USP37: variants seen among roughly 807,000 people sequenced by gnomAD.
The protein encoded by USP37 is ubiquitin specific peptidase 37, also known as ubiquitin carboxyl-terminal hydrolase 37.
A neutral mutation model predicts 124.0 loss-of-function variants in USP37; 27 were observed. The ratio of observed to expected loss-of-function variants is 0.22; its 90% CI spans 0.16 to 0.30. The LOEUF is 0.30. USP37 is among the 10% of genes least tolerant of loss of function. USP37 has a pLI of 1.00. For missense variants in USP37, 889 were observed against 1,140.4 expected, an observed-to-expected ratio of 0.78 and a Z score of 3.17; for synonymous variants, 365 against 388.0, an observed-to-expected ratio of 0.94 and a Z score of 0.70.
chr2:218,492,392 A>C (rs975700659), intron 14 of USP37, among the ~76,000 whole-genome samples: 4 of 152,160 alleles, frequency 2.6e-5, no homozygotes, highest in African/African-American at 9.7e-5. Flanking sequence ...GAAGACAGAG[A>C]GTTAAGAGAG....
intron 6 of USP37, 110 bp downstream of exon 6, chr2:218,549,699 G>T: frequency 2.2e-6 from 2 of 911,812 alleles, no homozygotes; most frequent in East Asian, 3.2e-5. Flanking sequence ...TCCTGACCTC[G>T]GGTGATCCAC....
chr2:218,473,301 T>C (rs1013319902), intron 20 of USP37: 8 of 152,180 alleles, frequency 5.3e-5, no homozygotes, highest in Non-Finnish European at 1.0e-4. Flanking sequence ...AAAGCACTAA[T>C]ATTAACCAGG....
At chr2:218,530,128 T>C (rs1043926958) in intron 9 of USP37, 88 bp from the exon 10 acceptor site, 3 of 931,076 alleles carry the variant, frequency 3.2e-6, no homozygotes, top group Non-Finnish European at 3.2e-6. Context: ...TTAGTCCTGA[T>C]TATATTTAAC....
intron 11 of USP37, among the ~76,000 whole-genome samples, chr2:218,507,086 T>G (rs1689723440): frequency 6.6e-6 from 1 of 151,454 alleles, no homozygotes; most frequent in Non-Finnish European, 1.5e-5. Flanking sequence ...GTGTGAGTGG[T>G]GCCTGGATTT....
At chr2:218,470,853 T>A (rs1258958880) in intron 20 of USP37, among the ~76,000 whole-genome samples, 1 of 152,170 alleles carries the variant, frequency 6.6e-6, no homozygotes, top group African/African-American at 2.4e-5. Flanking sequence ...CCAAGCACTG[T>A]TGTAGAAGTT....
rs774625964 is a variant in USP37, at chr2:218,558,634, T to C, written c.20A>G (p.His7Arg). 6 of 1,610,694 alleles carry C rather than the reference T, an allele frequency of 3.7e-6. No homozygotes were observed. Among genetic ancestry groups the C allele is most frequent in the South Asian group, 1.1e-5 (1 of 90,394 alleles). Residue 7 changes from histidine (H) to arginine (R), a missense_variant, in exon 4 of 26, where the codon CAT becomes CGT. His to Arg is a conservative substitution (Grantham distance 29). This residue lies in a region of USP37 where 374 missense variants were observed against 386.0 expected (regional missense o/e 0.97). Coordinates refer to ENST00000258399, the MANE Select transcript of USP37 (RefSeq NM_020935.3). MSPLKI[H>R]GPIRIRSMQT... ...CATACTTCGAATTCTGATAGGACCA[T>C]GTATCTTCAGAGGAGACATATTTTC...
In USP37 at chr2:218,453,229, T is replaced by G. The variant is rs1689536908; in HGVS notation, c.*1701A>C. ...AATCTTTCAGAAAAGATGTTGCATC[T>G]TCTGTGATGATGGTTTGTGTTTTTT... On this transcript the variant is annotated 3_prime_UTR_variant, in exon 26 of 26. Transcript: ENST00000258399. The G allele has an allele frequency of 1.3e-5, 2 of 152,010 alleles. No homozygotes were observed. The highest frequency in any genetic ancestry group is 1.3e-4 in the Admixed American group (2 of 15,252). The allele number at this position is 152,010 out of a possible 1,614,324, so 9.4% of individuals were successfully genotyped here.
At chr2:218,537,882 A>G (rs1691741813) in intron 8 of USP37, among the ~76,000 whole-genome samples, 1 of 152,312 alleles carries the variant, frequency 6.6e-6, no homozygotes. Flanking sequence ...TACTCTTGGC[A>G]TATTATTAAG....
At chr2:218,468,030 G>C (rs898797274) in intron 20 of USP37, among the ~76,000 whole-genome samples, 5 of 145,184 alleles carry the variant, frequency 3.4e-5, no homozygotes, top group African/African-American at 1.3e-4. Flanking sequence ...TGGGATTACA[G>C]GTGTTCACCA....
intron 14 of USP37, among the ~76,000 whole-genome samples, chr2:218,488,628 T>G (rs1691728107): frequency 6.6e-6 from 1 of 152,176 alleles, no homozygotes; most frequent in African/African-American, 2.4e-5. Flanking sequence ...AGTATTTAAG[T>G]ACTTTACTTA....
At chr2:218,508,278 T>C (rs1559195083) in intron 11 of USP37, among the ~76,000 whole-genome samples, 1 of 142,778 alleles carries the variant, frequency 7.0e-6, no homozygotes, top group Non-Finnish European at 1.5e-5. Flanking sequence ...TTTTTTTTTC[T>C]TTTTTTTTTT....
intron 10 of USP37, among the ~76,000 whole-genome samples, chr2:218,527,931 G>T (rs1476095444): frequency 6.6e-6 from 1 of 152,060 alleles, no homozygotes; most frequent in South Asian, 2.1e-4. Flanking sequence ...GGCTGGGCGC[G>T]GTCACTCACA....
chr2:218,478,798 G>T (rs577886175), intron 18 of USP37, among the ~76,000 whole-genome samples: 1 of 152,192 alleles, frequency 6.6e-6, no homozygotes, highest in East Asian at 1.9e-4. Context: ...TCTTGAGAAC[G>T]GGCAAGAGTA....
At chr2:218,460,782 A>C (rs1007990348) in intron 22 of USP37, among the ~76,000 whole-genome samples, 5 of 151,956 alleles carry the variant, frequency 3.3e-5, no homozygotes, top group African/African-American at 1.2e-4. Flanking sequence ...CTCTACTAAA[A>C]ATACAAAAAT....
intron 9 of USP37, among the ~76,000 whole-genome samples, chr2:218,531,550 T>A (rs1320197377): frequency 6.6e-6 from 1 of 152,224 alleles, no homozygotes; most frequent in Non-Finnish European, 1.5e-5. Context: ...AGCCCATGGA[T>A]CAAGGAGTCA....
chr2:218,478,360 A>C (rs1324007438), intron 18 of USP37, among the ~76,000 whole-genome samples: 1 of 152,224 alleles, frequency 6.6e-6, no homozygotes, highest in African/African-American at 2.4e-5. Flanking sequence ...GCAAACCTGA[A>C]CATATTAATT....
chr2:218,459,957 G>A (rs773092638), intron 22 of USP37, 52 bp from the exon 23 acceptor site: 21 of 1,426,936 alleles, frequency 1.5e-5, no homozygotes, highest in South Asian at 3.5e-5. Context: ...TAGAATGGAC[G>A]TGGTGGCTCA....
chr2:218,557,079 G>A (rs1423558272), intron 4 of USP37, among the ~76,000 whole-genome samples: 1 of 151,756 alleles, frequency 6.6e-6, no homozygotes, highest in African/African-American at 2.4e-5. Context: ...ATGTTGCCCA[G>A]GCTGGTCTTG....
At chr2:218,564,123 C>G (rs1226614320) in intron 1 of USP37, among the ~76,000 whole-genome samples, 3 of 152,098 alleles carry the variant, frequency 2.0e-5, no homozygotes, top group African/African-American at 7.2e-5. Flanking sequence ...TGTCCTTCTA[C>G]CATCATTCAG....
Sources: allele counts gnomAD v4.1 joint callset (sites outside exome capture counted in the v4.1 genomes callset), GRCh38; gene constraint gnomAD v4.1.1; regional missense constraint gnomAD v4.1.1; transcripts MANE v1.5; gene names NCBI Gene and HGNC (gene_info 2026-07-23, HGNC 2026-07-21).